SORCS2: variants seen among roughly 807,000 people sequenced by gnomAD.
SORCS2 encodes the protein sortilin related VPS10 domain containing receptor 2, also known as VPS10 domain-containing receptor SorCS2.
Under a neutral mutation model 141.6 loss-of-function variants are expected in SORCS2, and 100 were observed. That is an observed-to-expected ratio of 0.71 (90% CI 0.60 to 0.83). The LOEUF (loss-of-function observed/expected upper bound fraction) is 0.83. SORCS2 is among the 40% of genes least tolerant of loss of function. SORCS2 has a pLI of 0.00. For synonymous variants in SORCS2, 789 were observed against 676.9 expected (o/e 1.17, Z -2.57); for missense variants, 1,646 against 1,560.2 (o/e 1.05, Z -0.93).
At chr4:7,587,894 T>A (rs1716647323) in intron 3 of SORCS2, among the ~76,000 whole-genome samples, 1 of 152,222 alleles carries the variant, frequency 6.6e-6, no homozygotes, top group Admixed American at 6.5e-5. Flanking sequence ...TTGTCATCTC[T>A]GTAGCAACAA....
intron 3 of SORCS2, among the ~76,000 whole-genome samples, chr4:7,618,790 T>G (rs1001684973): frequency 6.6e-6 from 1 of 152,010 alleles, no homozygotes; most frequent in Non-Finnish European, 1.5e-5. Flanking sequence ...TTTTCACTAT[T>G]TGAGAGTATA....
chr4:7,279,315 G>A (rs1193192552), intron 1 of SORCS2, among the ~76,000 whole-genome samples: 3 of 152,202 alleles, frequency 2.0e-5, no homozygotes, highest in East Asian at 1.9e-4. Context: ...TACTTGCAGC[G>A]TTGCTAAAGG....
Position 7,247,883 on chromosome 4 carries a change from G to A in SORCS2, c.480+54757G>A, listed in dbSNP as rs1005428398. On this transcript the variant is annotated intron_variant, in intron 1 of 26. Transcript: ENST00000507866. Reference sequence around the variant, plus strand: ...GCAGAGGCGGAAGGCCTGCACCCTGGTGACAGCTCCCACTCAGATCCTAGG... The same window carrying A: ...GCAGAGGCGGAAGGCCTGCACCCTGATGACAGCTCCCACTCAGATCCTAGG... 4.6e-5 allele frequency among the ~76,000 whole-genome samples: 7 copies of A among 152,340 alleles called. No individual in the cohort carries two copies. The East Asian group carries it at 1.2e-3, about 25-fold the overall frequency.
chr4:7,515,330 G>A lies in SORCS2; in HGVS notation c.549-16200G>A, dbSNP rs114321987. 5.3e-3 allele frequency among the ~76,000 whole-genome samples: 814 copies of A among 152,324 alleles called. 4 individuals carry two copies. The highest frequency in any genetic ancestry group is 0.027 in the Middle Eastern group (8 of 294). On this transcript the variant is annotated intron_variant, in intron 2 of 26. Coordinates refer to ENST00000507866, the MANE Select transcript of SORCS2 (RefSeq NM_020777.3). The stretch of plus-strand genomic sequence containing the variant: ...GAGTAATATCATTAACCATGGAGGT[G>A]CCCAGTGGGAGACTGGGTCAGGGGC...
chr4:7,344,412 C>T (rs1720535627), intron 1 of SORCS2, among the ~76,000 whole-genome samples: 1 of 152,198 alleles, frequency 6.6e-6, no homozygotes. Context: ...TCACTGCTGG[C>T]TGGAAGGGAG....
At chr4:7,520,160 G>A (rs780575720) in intron 2 of SORCS2, among the ~76,000 whole-genome samples, 5 of 152,222 alleles carry the variant, frequency 3.3e-5, no homozygotes, top group Non-Finnish European at 7.3e-5. Flanking sequence ...CGGCACCGCT[G>A]GCTGCAGAAG....
intron 2 of SORCS2, among the ~76,000 whole-genome samples, chr4:7,416,290 A>G (rs16840265): frequency 0.18 from 27,109 of 152,162 alleles, 3,207 homozygotes; most frequent in South Asian, 0.4. Context: ...TTTTTCAGCC[A>G]GTGGGCAAAG....
intron 1 of SORCS2, among the ~76,000 whole-genome samples, chr4:7,333,389 G>A (rs1719783351): frequency 6.6e-6 from 1 of 152,232 alleles, no homozygotes; most frequent in Non-Finnish European, 1.5e-5. Flanking sequence ...GTTCCCGTGT[G>A]TGATGTTGGC....
In SORCS2 at chr4:7,333,160, A is replaced by G. The variant is rs1719763400; in HGVS notation, c.481-63128A>G. Among the ~76,000 whole-genome samples, 6 of 152,112 alleles carry G rather than the reference A, an allele frequency of 3.9e-5. No individual in the cohort carries two copies. The South Asian group carries it at 1.2e-3, about 32-fold the overall frequency. ...GCAGCCTGCCCCACCTCTGCCTCTG[A>G]CCCCACCCCACTAGGGCATCCCATT... On this transcript the variant is annotated intron_variant, in intron 1 of 26. Coordinates refer to ENST00000507866, the MANE Select transcript of SORCS2 (RefSeq NM_020777.3).
At chr4:7,300,375 G>A (rs1000924360) in intron 1 of SORCS2, among the ~76,000 whole-genome samples, 9 of 152,216 alleles carry the variant, frequency 5.9e-5, no homozygotes, top group Admixed American at 5.2e-4. Flanking sequence ...AAAAAGCGAA[G>A]GACTTCCGTG....
At chr4:7,384,465 A>G (rs985441692) in intron 1 of SORCS2, among the ~76,000 whole-genome samples, 1 of 151,778 alleles carries the variant, frequency 6.6e-6, no homozygotes, top group African/African-American at 2.4e-5. Context: ...ACCTCGGGGG[A>G]CTGGGGCTGG....
chr4:7,304,308 G>A (rs927593471), intron 1 of SORCS2, among the ~76,000 whole-genome samples: 4 of 152,082 alleles, frequency 2.6e-5, no homozygotes, highest in Non-Finnish European at 5.9e-5. Context: ...TTTCATTAGC[G>A]ACGGGGGCAG....
intron 1 of SORCS2, among the ~76,000 whole-genome samples, chr4:7,313,398 A>G (rs1718330167): frequency 6.6e-6 from 1 of 152,198 alleles, no homozygotes; most frequent in Non-Finnish European, 1.5e-5. Context: ...AGACAGGCCC[A>G]GAAGAGGGGA....
chr4:7,222,776 C>G (rs1157661065), intron 1 of SORCS2, among the ~76,000 whole-genome samples: 1 of 151,972 alleles, frequency 6.6e-6, no homozygotes, highest in Non-Finnish European at 1.5e-5. Context: ...GCGTACAGAT[C>G]TGTGTGGGGT....
chr4:7,308,653 A>G (rs2108915339), intron 1 of SORCS2, among the ~76,000 whole-genome samples: 1 of 152,194 alleles, frequency 6.6e-6, no homozygotes, highest in East Asian at 1.9e-4. Context: ...GGCCACCCAC[A>G]GCTCCTTGCC....
intron 3 of SORCS2, among the ~76,000 whole-genome samples, chr4:7,534,792 T>C (rs1447208958): frequency 6.6e-6 from 1 of 152,256 alleles, no homozygotes; most frequent in African/African-American, 2.4e-5. Flanking sequence ...TGCCAACACC[T>C]TGCCTTCAGC....
intron 3 of SORCS2, among the ~76,000 whole-genome samples, chr4:7,560,284 G>A (rs1714442254): frequency 6.6e-6 from 1 of 152,308 alleles, no homozygotes; most frequent in Middle Eastern, 3.4e-3. Context: ...AAGAGCCTCA[G>A]AGAATACACT....
At chr4:7,504,583 C>T (rs1173948260) in intron 2 of SORCS2, among the ~76,000 whole-genome samples, 4 of 152,230 alleles carry the variant, frequency 2.6e-5, no homozygotes, top group Admixed American at 1.3e-4. Context: ...AACCCACATC[C>T]ATCTGGCTCT....
chr4:7,441,053 G>C (rs1019799888), intron 2 of SORCS2, among the ~76,000 whole-genome samples: 1 of 152,164 alleles, frequency 6.6e-6, no homozygotes, highest in South Asian at 2.1e-4. Context: ...CTGGGAAGCA[G>C]GTGTGAGCTC....
Sources: allele counts gnomAD v4.1 joint callset (sites outside exome capture counted in the v4.1 genomes callset), GRCh38; gene constraint gnomAD v4.1.1; transcripts MANE v1.5; gene names NCBI Gene and HGNC (gene_info 2026-07-23, HGNC 2026-07-21).